Variants in VAMP4 observed in about 807,000 individuals in gnomAD.
VAMP4 encodes the protein vesicle associated membrane protein 4.
VAMP4 carries 19 observed loss-of-function variants against 23.5 expected under a neutral mutation model. That is an observed-to-expected ratio of 0.81 (90% CI 0.56 to 1.19). The LOEUF (loss-of-function observed/expected upper bound fraction) is 1.19. Ranked by LOEUF, VAMP4 falls within the 50% of genes most tolerant of loss-of-function variation. VAMP4 has a pLI of 0.00. For missense variants in VAMP4, 145 were observed against 168.6 expected, an observed-to-expected ratio of 0.86 and a Z score of 0.78; for synonymous variants, 31 against 51.0, an observed-to-expected ratio of 0.61 and a Z score of 1.67.
chr1:171,721,479 A>G (rs1655194020), intron 3 of VAMP4, among the ~76,000 whole-genome samples: 1 of 152,220 alleles, frequency 6.6e-6, no homozygotes, highest in Non-Finnish European at 1.5e-5. Context: ...TAATTTACAA[A>G]ATGATATTTA....
At chr1:171,723,224 C>T (rs536768408) in intron 3 of VAMP4, among the ~76,000 whole-genome samples, 2 of 152,158 alleles carry the variant, frequency 1.3e-5, no homozygotes, top group Non-Finnish European at 2.9e-5. Context: ...CAAGATCACA[C>T]GACTGGGGCA....
intron 4 of VAMP4, among the ~76,000 whole-genome samples, chr1:171,711,707 C>T (rs1654853809): frequency 6.6e-6 from 1 of 152,000 alleles, no homozygotes; most frequent in African/African-American, 2.4e-5. Context: ...AATTACTTTA[C>T]GAAATAAGTC....
chr1:171,733,692 G>C (rs955585811), intron 2 of VAMP4, among the ~76,000 whole-genome samples: 1 of 152,168 alleles, frequency 6.6e-6, no homozygotes, highest in Non-Finnish European at 1.5e-5. Flanking sequence ...TGTTGGTGAG[G>C]ATGTGGAGAA....
At chr1:171,739,727 TGAG>T (rs1411104326) in intron 1 of VAMP4, among the ~76,000 whole-genome samples, 1 of 152,204 alleles carries the variant, frequency 6.6e-6, no homozygotes, top group Non-Finnish European at 1.5e-5. Context: ...TCCTTGCTTG[TGAG>T]GAGAAATCTT....
In VAMP4 at chr1:171,703,051, A is replaced by AGAT. The variant is rs1012569463; in HGVS notation, c.*1452_*1454dup. 1 of 151,976 alleles carries AGAT rather than the reference A, an allele frequency of 6.6e-6. No individual in the cohort carries two copies. The highest frequency in any genetic ancestry group is 2.4e-5 in the African/African-American group (1 of 41,432). The allele number at this position is 151,976 out of a possible 1,614,324, so 9.4% of individuals were successfully genotyped here. ...TCTATGCTTTATTCATTTTGCATTAAGATGACCAAAGAAATAAAACCTAAA... is the reference window on the plus strand; with the variant it reads ...TCTATGCTTTATTCATTTTGCATTAAGATGATGACCAAAGAAATAAAACCTAAA... On this transcript the variant is annotated 3_prime_UTR_variant, in exon 8 of 8. Coordinates refer to ENST00000236192, the MANE Select transcript of VAMP4 (RefSeq NM_003762.5).
At chr1:171,713,437 A>T (rs1359097933) in intron 4 of VAMP4, among the ~76,000 whole-genome samples, 1 of 149,754 alleles carries the variant, frequency 6.7e-6, no homozygotes, top group Non-Finnish European at 1.5e-5. Context: ...TACTATACGT[A>T]CTCTTAGACG....
chr1:171,736,696 G>A (rs904931882), intron 2 of VAMP4, among the ~76,000 whole-genome samples: 8 of 150,800 alleles, frequency 5.3e-5, no homozygotes, highest in African/African-American at 2.0e-4. Flanking sequence ...AACAAAACAG[G>A]CCGAGTGCAG....
intron 2 of VAMP4, among the ~76,000 whole-genome samples, chr1:171,737,141 C>G (rs998188793): frequency 1.3e-5 from 2 of 152,022 alleles, no homozygotes; most frequent in Non-Finnish European, 2.9e-5. Context: ...TGAGGTTGTC[C>G]AAAAAGAGCA....
intron 2 of VAMP4, among the ~76,000 whole-genome samples, chr1:171,735,990 A>T (rs1327206422): frequency 1.3e-5 from 2 of 152,080 alleles, no homozygotes; most frequent in Admixed American, 1.3e-4. Context: ...AGATTCAAGC[A>T]ATTCTCCTGC....
In VAMP4 at chr1:171,720,830, A is replaced by G. The variant is rs79583425; in HGVS notation, c.114-1609T>C. On this transcript the variant is annotated intron_variant, in intron 3 of 7. Coordinates refer to ENST00000236192, the MANE Select transcript of VAMP4 (RefSeq NM_003762.5). ...CCAGGGCCAGTATGAACCTACCACG[A>G]AAACCAGATAAAGACACAACAAGAA... Among the ~76,000 whole-genome samples the G allele has an allele frequency of 3.3e-5, 5 of 152,222 alleles. No homozygotes were observed. In the East Asian group the frequency reaches 9.6e-4, roughly 29 times the overall value.
At position 171,701,411 on chromosome 1, in the gene VAMP4, T is replaced by C. The variant is rs1654429426; in HGVS notation, c.*3095A>G. 2.0e-5 allele frequency: 3 copies of C among 152,204 alleles called. No homozygotes were observed. The highest frequency in any genetic ancestry group is 7.2e-5 in the African/African-American group (3 of 41,450). The allele number at this position is 152,204 out of a possible 1,614,324, so 9.4% of individuals were successfully genotyped here. On this transcript the variant is annotated 3_prime_UTR_variant, in exon 8 of 8. Coordinates refer to ENST00000236192, the MANE Select transcript of VAMP4 (RefSeq NM_003762.5). Reference sequence around the variant, plus strand: ...TATACAGATGTAAATACAGAGTCAATGTGTGCAATGATGCTGACAAGGCAT... The same window carrying C: ...TATACAGATGTAAATACAGAGTCAACGTGTGCAATGATGCTGACAAGGCAT...
chr1:171,737,137 T>C (rs574073763), intron 2 of VAMP4, among the ~76,000 whole-genome samples: 102 of 152,302 alleles, frequency 6.7e-4, no homozygotes, highest in African/African-American at 2.2e-3. Flanking sequence ...GTTCTGAGGT[T>C]GTCCAAAAAG....
At chr1:171,733,028 T>TG (rs1655611414) in intron 2 of VAMP4, among the ~76,000 whole-genome samples, 1 of 152,006 alleles carries the variant, frequency 6.6e-6, no homozygotes. Context: ...ATAGAAGAAA[T>TG]GGCCAATGAC....
rs1406560426 is a variant in VAMP4, at chr1:171,709,802, T to G, written c.266-58A>C. 3.8e-6 allele frequency: 5 copies of G among 1,311,718 alleles called. No individual in the cohort carries two copies. The East Asian group carries it at 1.2e-4, about 30-fold the overall frequency. The allele number at this position is 1,311,718 out of a possible 1,614,324, so 81.3% of individuals were successfully genotyped here. ...AACGACATAACAGGATTCTTTTATC[T>G]AGTCACACAAAGATAAGAAAATATT... On this transcript the variant is annotated intron_variant, in intron 5 of 7. Transcript: ENST00000236192.
intron 2 of VAMP4, among the ~76,000 whole-genome samples, chr1:171,728,774 T>C (rs1018824340): frequency 2.0e-5 from 3 of 152,206 alleles, no homozygotes; most frequent in Non-Finnish European, 4.4e-5. Flanking sequence ...ATGCTCATAA[T>C]TATAGAATCC....
chr1:171,719,333 G>A, intron 3 of VAMP4, 112 bp from the exon 4 acceptor site: 3 of 845,652 alleles, frequency 3.5e-6, no homozygotes, highest in East Asian at 2.9e-5. Context: ...CTCTAAACAT[G>A]GATCAGTTAT....
In VAMP4 at chr1:171,738,357, T is replaced by C; in HGVS notation, c.58A>G (p.Ser20Gly). ...NDDDVTGSVKSERRNLLEDDS... is the reference protein window; with the variant it reads ...NDDDVTGSVKGERRNLLEDDS... The stretch of plus-strand genomic sequence containing the variant: ...TAAGATTCCGAACTTACCCTTTCAC[T>C]TTTCACAGAACCTGTGACATCATCA... The change falls in exon 2 of 8, where the codon AGT (serine) becomes GGT (glycine). Residue 20 changes from serine (S) to glycine (G), a missense_variant. By Grantham distance (56) the Ser-to-Gly change is moderately conservative (BLOSUM62 0). Transcript: ENST00000236192. 1 of 1,614,016 alleles carries C rather than the reference T, an allele frequency of 6.2e-7. No individual in the cohort carries two copies. The highest frequency in any genetic ancestry group is 8.5e-7 in the Non-Finnish European group (1 of 1,179,964).
At chr1:171,734,251 G>C (rs1655659457) in intron 2 of VAMP4, among the ~76,000 whole-genome samples, 1 of 134,544 alleles carries the variant, frequency 7.4e-6, no homozygotes, top group Non-Finnish European at 1.5e-5. Context: ...CTGGGCAACA[G>C]AGGGAGACTC....
intron 3 of VAMP4, among the ~76,000 whole-genome samples, chr1:171,726,407 T>C (rs527864427): frequency 6.7e-4 from 102 of 152,322 alleles, no homozygotes; most frequent in African/African-American, 2.2e-3. Flanking sequence ...CATATAACCT[T>C]CTACATCAAT....
Sources: allele counts gnomAD v4.1 joint callset (sites outside exome capture counted in the v4.1 genomes callset), GRCh38; gene constraint gnomAD v4.1.1; transcripts MANE v1.5; gene names NCBI Gene and HGNC (gene_info 2026-07-23, HGNC 2026-07-21).